Variants in PHF7 observed in about 807,000 individuals in gnomAD.
The protein encoded by PHF7 is E3 ubiquitin-protein ligase PHF7.
PHF7 carries 24 observed loss-of-function variants against 47.5 expected under a neutral mutation model. The ratio of observed to expected loss-of-function variants is 0.51; its 90% CI spans 0.37 to 0.71. The LOEUF (loss-of-function observed/expected upper bound fraction) is 0.71, where lower values mean the gene tolerates loss of function less well. Among genes scored for constraint, PHF7 ranks in the 30% least tolerant of loss-of-function variants. The pLI is 0.00. For missense variants in PHF7, 361 were observed against 456.8 expected (o/e 0.79, Z 1.91); for synonymous variants, 156 against 153.8 (o/e 1.01, Z -0.11).
chr3:52,422,018 C>G, intron 8 of PHF7: 1 of 605,514 alleles, frequency 1.7e-6, no homozygotes, highest in South Asian at 1.9e-5. Flanking sequence ...CAGAGTGGAA[C>G]TAAGGAACCT....
At chr3:52,422,501 C>T (rs957200603) in intron 9 of PHF7, 163 bp downstream of exon 9, 4 of 657,948 alleles carry the variant, frequency 6.1e-6, no homozygotes, top group Admixed American at 2.4e-5. Context: ...CTTGTGTGCA[C>T]GTGAACACGT....
At chr3:52,419,056 C>T (rs1015267745) in intron 4 of PHF7, among the ~76,000 whole-genome samples, 1 of 152,076 alleles carries the variant, frequency 6.6e-6, no homozygotes, top group Non-Finnish European at 1.5e-5. Context: ...CAGCCCTCCT[C>T]GGCTTCCCAA....
Position 52,423,348 on chromosome 3 carries a change from T to TAG in PHF7, c.*32_*33dup, listed in dbSNP as rs1705856386. 1 of 1,416,586 alleles carries TAG rather than the reference T, an allele frequency of 7.1e-7. No individual in the cohort carries two copies. Among genetic ancestry groups the TAG allele is most frequent in the Admixed American group, 1.7e-5 (1 of 58,650 alleles). 87.8% of individuals were successfully genotyped at this position (1,416,586 alleles called of 1,614,324 possible). A position where few individuals can be genotyped will look rare whatever the true frequency, so the allele number is the denominator to read the frequency against. ...TCTGAGTAGCTGCTGTCCCACACAA[T>TAG]AGGGTATGAAGCTGCGCTCCTCCAT... On this transcript the variant is annotated 3_prime_UTR_variant, in exon 11 of 11. Coordinates refer to ENST00000327906, the MANE Select transcript of PHF7 (RefSeq NM_016483.7).
At chr3:52,417,318 CT>C (rs1349128302) in intron 4 of PHF7, among the ~76,000 whole-genome samples, 1 of 151,714 alleles carries the variant, frequency 6.6e-6, no homozygotes, top group Non-Finnish European at 1.5e-5. Context: ...GTCAATTTTT[CT>C]TTAAAAAAAA....
intron 5 of PHF7, 122 bp from the exon 6 acceptor site, chr3:52,420,189 G>T: frequency 9.0e-7 from 1 of 1,116,082 alleles, no homozygotes; most frequent in South Asian, 1.2e-5. Context: ...GAGCATTCAG[G>T]ACCACTGAAG....
chr3:52,415,219 C>T (rs193137952), intron 4 of PHF7, among the ~76,000 whole-genome samples: 8 of 151,980 alleles, frequency 5.3e-5, no homozygotes, highest in African/African-American at 9.7e-5. Context: ...TTTTTGAGAA[C>T]GGAGTCTCAC....
chr3:52,413,949 A>G, intron 2 of PHF7, 47 bp from the exon 3 acceptor site: 3 of 1,326,556 alleles, frequency 2.3e-6, no homozygotes, highest in South Asian at 1.2e-5. Flanking sequence ...AAGGTTATCA[A>G]CAAGATCCCC....
intron 6 of PHF7, 111 bp from the exon 7 acceptor site, chr3:52,420,792 G>A (rs993725827): frequency 5.8e-5 from 53 of 910,548 alleles, no homozygotes; most frequent in Admixed American, 4.3e-4. Flanking sequence ...TTCCCCATGT[G>A]TGGAGGTTCA....
intron 6 of PHF7, among the ~76,000 whole-genome samples, chr3:52,420,653 T>G (rs1705758534): frequency 1.3e-5 from 2 of 152,204 alleles, no homozygotes; most frequent in African/African-American, 4.8e-5. Context: ...GCTGGGGTTC[T>G]TAGACAGCTG....
chr3:52,422,804 C>T lies in PHF7; in HGVS notation c.842C>T (p.Thr281Ile), dbSNP rs1006478840. 6.2e-7 allele frequency: 1 copy of T among 1,613,946 alleles called. No homozygotes were observed. The highest frequency in any genetic ancestry group is 8.5e-7 in the Non-Finnish European group (1 of 1,179,834). Residue 281 changes from threonine to isoleucine, a missense_variant, in exon 10 of 11, where the codon ACC (threonine) becomes ATC (isoleucine). Physicochemically the swap from Thr to Ile is moderately conservative, Grantham distance 89 (BLOSUM62 -1). Transcript: ENST00000327906. ...ILCATCGSHG[T>I]HRDCSSLRSN... ...TGTGCTACATGCGGATCCCACGGAA[C>T]CCACAGGGACTGCTCCTCTCTTAGA...
intron 1 of PHF7, 138 bp from the exon 2 acceptor site, chr3:52,412,673 C>A (rs1010045032): frequency 1.0e-5 from 6 of 571,606 alleles, no homozygotes; most frequent in Non-Finnish European, 1.9e-5. Context: ...TGAGTTAACA[C>A]ATGTCAAGTA....
intron 4 of PHF7, among the ~76,000 whole-genome samples, chr3:52,415,171 A>G (rs1705584827): frequency 6.6e-6 from 1 of 152,096 alleles, no homozygotes; most frequent in Admixed American, 6.6e-5. Context: ...TTTATTAGGT[A>G]TAACTTTCAT....
At chr3:52,417,620 A>T (rs1465488905) in intron 4 of PHF7, among the ~76,000 whole-genome samples, 2 of 152,054 alleles carry the variant, frequency 1.3e-5, no homozygotes, top group Non-Finnish European at 2.9e-5. Flanking sequence ...TTGTATATTG[A>T]TTTGTATCCT....
chr3:52,421,069 CT>C lies in PHF7; in HGVS notation c.573+12del. On this transcript the variant is annotated splice_region_variant and intron_variant, in intron 7 of 10. Coordinates refer to ENST00000327906, the MANE Select transcript of PHF7 (RefSeq NM_016483.7). The stretch of plus-strand genomic sequence containing the variant: ...CCACCGCAAGTGCATACAGGTGGGG[CT>C]TTTTCCGCCCTGGGTCCCTTCCACC... 3 of 1,598,204 alleles carry C rather than the reference CT, an allele frequency of 1.9e-6. No individual in the cohort carries two copies. The highest frequency in any genetic ancestry group is 1.1e-5 in the South Asian group (1 of 88,792).
chr3:52,417,304 G>A (rs887073127), intron 4 of PHF7, among the ~76,000 whole-genome samples: 33 of 151,970 alleles, frequency 2.2e-4, no homozygotes, highest in Non-Finnish European at 7.4e-5. Context: ...TTTATATTAA[G>A]CTTGTCAATT....
chr3:52,423,409 C>A lies in PHF7; in HGVS notation c.*92C>A. On this transcript the variant is annotated 3_prime_UTR_variant, in exon 11 of 11. Coordinates refer to ENST00000327906, the MANE Select transcript of PHF7 (RefSeq NM_016483.7). ...GAGGGAGCACTCTGGGACTGTGAGA[C>A]AAGGAAGCAGGGCCAGCAGTGAGAC... 1 of 771,720 alleles carries A rather than the reference C, an allele frequency of 1.3e-6. No individual in the cohort carries two copies. The highest frequency in any genetic ancestry group is 2.2e-6 in the Non-Finnish European group (1 of 465,012). The allele number at this position is 771,720 out of a possible 1,614,324, so 47.8% of individuals were successfully genotyped here.
chr3:52,421,311 C>T (rs560347669), intron 7 of PHF7, among the ~76,000 whole-genome samples: 10 of 152,302 alleles, frequency 6.6e-5, no homozygotes, highest in African/African-American at 1.7e-4. Context: ...CAAATGGGCT[C>T]ATCCCAGAAT....
Position 52,423,344 on chromosome 3 carries a change from A to T in PHF7, c.*27A>T, listed in dbSNP as rs1705856131. 1.4e-6 allele frequency: 2 copies of T among 1,441,024 alleles called. No individual in the cohort carries two copies. The highest frequency in any genetic ancestry group is 1.4e-5 in the African/African-American group (1 of 71,470). The allele number at this position is 1,441,024 out of a possible 1,614,324, so 89.3% of individuals were successfully genotyped here. On this transcript the variant is annotated 3_prime_UTR_variant, in exon 11 of 11. Transcript: ENST00000327906. ...ACCTTCTGAGTAGCTGCTGTCCCAC[A>T]CAATAGGGTATGAAGCTGCGCTCCT...
rs931474219 is a variant in PHF7, at chr3:52,410,893, G to C, written c.-424G>C. 1 of 152,310 alleles carries C rather than the reference G, an allele frequency of 6.6e-6. No homozygotes were observed. Among genetic ancestry groups the C allele is most frequent in the Non-Finnish European group, 1.5e-5 (1 of 68,070 alleles). 9.4% of individuals were successfully genotyped at this position (152,310 alleles called of 1,614,324 possible). Reference sequence around the variant, plus strand: ...CATGAGCCTGGTCTGGCATCCGCGGGATGCTCCTTAAGCCCCTTCTCCGGC... The same window carrying C: ...CATGAGCCTGGTCTGGCATCCGCGGCATGCTCCTTAAGCCCCTTCTCCGGC... On this transcript the variant is annotated 5_prime_UTR_variant, in exon 1 of 11. Transcript: ENST00000327906.
Sources: allele counts gnomAD v4.1 joint callset (sites outside exome capture counted in the v4.1 genomes callset), GRCh38; gene constraint gnomAD v4.1.1; transcripts MANE v1.5; gene names NCBI Gene and HGNC (gene_info 2026-07-23, HGNC 2026-07-21).